Variants in SMARCAD1 observed in about 807,000 individuals in gnomAD.
The protein encoded by SMARCAD1 is SNF2 related chromatin remodeling ATPase with DExD box 1, also known as SWI/SNF-related matrix-associated actin-dependent regulator of chromatin subfamily A containing DEAD/H box 1.
In SMARCAD1, 25 loss-of-function variants were observed where a neutral mutation model predicts 127.1. That is an observed-to-expected ratio of 0.20 (90% CI 0.14 to 0.27). SMARCAD1 has a LOEUF of 0.27. SMARCAD1 is among the 10% of genes least tolerant of loss of function. The pLI is 1.00. For missense variants in SMARCAD1, 807 were observed against 1,206.0 expected (o/e 0.67, Z 4.90); for synonymous variants, 400 against 396.9 (o/e 1.01, Z -0.09).
chr4:94,242,723 G>C (rs1346660157), intron 6 of SMARCAD1, among the ~76,000 whole-genome samples: 1 of 147,806 alleles, frequency 6.8e-6, no homozygotes, highest in Non-Finnish European at 1.5e-5. Flanking sequence ...GAGCAATATA[G>C]TGGGACTCCT....
chr4:94,248,787 C>T (rs1401541688), intron 6 of SMARCAD1, among the ~76,000 whole-genome samples: 1 of 152,054 alleles, frequency 6.6e-6, no homozygotes, highest in African/African-American at 2.4e-5. Context: ...TTATTTTACT[C>T]CATTGTGCAG....
chr4:94,260,748 A>T (rs1336628477), intron 9 of SMARCAD1, among the ~76,000 whole-genome samples: 1 of 152,108 alleles, frequency 6.6e-6, no homozygotes, highest in Non-Finnish European at 1.5e-5. Flanking sequence ...ATTCAGAATA[A>T]ATGTTTATTC....
intron 23 of SMARCAD1, among the ~76,000 whole-genome samples, chr4:94,285,969 T>C (rs1335379378): frequency 6.6e-6 from 1 of 152,222 alleles, no homozygotes; most frequent in African/African-American, 2.4e-5. Context: ...GTAGGGCAGC[T>C]TTTAGAATTT....
chr4:94,282,106 T>TTTTTG (rs1553921666), intron 21 of SMARCAD1, among the ~76,000 whole-genome samples: 5 of 92,664 alleles, frequency 5.4e-5, no homozygotes, highest in Admixed American at 1.0e-4. Context: ...TTTTGTTTTT[T>TTTTTG]TTTTTTTTTT....
chr4:94,235,229 C>CTTTTTTT (rs35123705), intron 4 of SMARCAD1, among the ~76,000 whole-genome samples: 1 of 39,254 alleles, frequency 2.5e-5, no homozygotes, highest in Non-Finnish European at 4.4e-5. Flanking sequence ...ACCACCAATC[C>CTTTTTTT]TTTTTTTTTT....
At chr4:94,270,511 T>TA (rs1752405008) in intron 10 of SMARCAD1, 4 of 475,068 alleles carry the variant, frequency 8.4e-6, no homozygotes. Context: ...GCTTGATTCT[T>TA]ACTGCCAGAA....
chr4:94,269,259 A>T (rs1251099990), intron 10 of SMARCAD1, among the ~76,000 whole-genome samples: 1 of 152,144 alleles, frequency 6.6e-6, no homozygotes, highest in South Asian at 2.1e-4. Flanking sequence ...TCAACAATTT[A>T]TTATACTATA....
At chr4:94,260,326 A>C (rs1021004326) in intron 9 of SMARCAD1, among the ~76,000 whole-genome samples, 1 of 152,104 alleles carries the variant, frequency 6.6e-6, no homozygotes, top group Non-Finnish European at 1.5e-5. Context: ...TAGCCATTGC[A>C]AAATTAATAC....
intron 2 of SMARCAD1, among the ~76,000 whole-genome samples, chr4:94,215,715 T>C (rs1468111085): frequency 6.6e-6 from 1 of 152,236 alleles, no homozygotes; most frequent in Non-Finnish European, 1.5e-5. Context: ...TGTATCAGAC[T>C]ACATCTTGGT....
intron 3 of SMARCAD1, among the ~76,000 whole-genome samples, chr4:94,232,162 T>A (rs1745944970): frequency 6.6e-6 from 1 of 152,160 alleles, no homozygotes; most frequent in Non-Finnish European, 1.5e-5. Flanking sequence ...TGCACCCGGC[T>A]GGTTTTTCTT....
intron 2 of SMARCAD1, among the ~76,000 whole-genome samples, chr4:94,219,969 GT>G (rs1743842473): frequency 6.6e-6 from 1 of 152,142 alleles, no homozygotes; most frequent in Non-Finnish European, 1.5e-5. Context: ...CTTTATAACT[GT>G]TTCTGCTTTT....
chr4:94,255,625 T>A (rs1749955677), intron 9 of SMARCAD1, among the ~76,000 whole-genome samples: 1 of 151,962 alleles, frequency 6.6e-6, no homozygotes, highest in South Asian at 2.1e-4. Flanking sequence ...CTAATTTCAG[T>A]AAGTTTAGAG....
In SMARCAD1 at chr4:94,290,882, T is replaced by C. The variant is rs1443523034; in HGVS notation, c.*1348T>C. 1 of 453,438 alleles carries C rather than the reference T, an allele frequency of 2.2e-6. No homozygotes were observed. The allele number at this position is 453,438 out of a possible 1,614,324, so 28.1% of individuals were successfully genotyped here. A position where few individuals can be genotyped will look rare whatever the true frequency, so the allele number is the denominator to read the frequency against. Reference sequence around the variant, plus strand: ...CATCCTAACTTGCTAAGATGCTAGGTAGTACGACCCTCTGGATTTGGAAGG... The same window carrying C: ...CATCCTAACTTGCTAAGATGCTAGGCAGTACGACCCTCTGGATTTGGAAGG... On this transcript the variant is annotated 3_prime_UTR_variant, in exon 24 of 24. Coordinates refer to ENST00000354268, the MANE Select transcript of SMARCAD1 (RefSeq NM_020159.5).
intron 3 of SMARCAD1, among the ~76,000 whole-genome samples, chr4:94,230,516 T>A (rs1279155495): frequency 6.6e-6 from 1 of 152,164 alleles, no homozygotes; most frequent in Admixed American, 6.6e-5. Flanking sequence ...AGCTTGACAT[T>A]TATTGACATT....
intron 21 of SMARCAD1, among the ~76,000 whole-genome samples, chr4:94,282,760 C>G (rs751089207): frequency 4.0e-5 from 6 of 151,022 alleles, no homozygotes; most frequent in Admixed American, 6.6e-5. Context: ...GTCCTTGATT[C>G]ATCAGAAATG....
At chr4:94,210,003 A>T (rs1741940850) in intron 2 of SMARCAD1, among the ~76,000 whole-genome samples, 1 of 152,184 alleles carries the variant, frequency 6.6e-6, no homozygotes, top group African/African-American at 2.4e-5. Flanking sequence ...TGTGATCCAC[A>T]CTTTTTTCAT....
chr4:94,278,560 A>AC, intron 17 of SMARCAD1, 43 bp downstream of exon 17: 1 of 1,610,164 alleles, frequency 6.2e-7, no homozygotes, highest in East Asian at 2.2e-5. Flanking sequence ...TGTTTTTAAA[A>AC]CTTAGGTTTT....
At position 94,282,937 on chromosome 4, in the gene SMARCAD1, G is replaced by A. The variant is rs1040869972; in HGVS notation, c.2727-184G>A. Among the ~76,000 whole-genome samples, 7 of 152,218 alleles carry A rather than the reference G, an allele frequency of 4.6e-5. No individual in the cohort carries two copies. In the South Asian group the frequency reaches 8.3e-4, roughly 18 times the overall value. ...AAGAGTTGGTAGGGGTAGCAATATC[G>A]TAGAAAAGAAGTTGGGGAATTGAGG... On this transcript the variant is annotated intron_variant, in intron 21 of 23. Coordinates refer to ENST00000354268, the MANE Select transcript of SMARCAD1 (RefSeq NM_020159.5).
intron 2 of SMARCAD1, among the ~76,000 whole-genome samples, chr4:94,214,102 TC>T (rs899685951): frequency 1.3e-5 from 2 of 152,120 alleles, no homozygotes; most frequent in Admixed American, 6.5e-5. Context: ...GTGACCAGTT[TC>T]CTTGGAATTA....
Sources: allele counts gnomAD v4.1 joint callset (sites outside exome capture counted in the v4.1 genomes callset), GRCh38; gene constraint gnomAD v4.1.1; transcripts MANE v1.5; gene names NCBI Gene and HGNC (gene_info 2026-07-23, HGNC 2026-07-21).